PRKCQ: variants seen among roughly 807,000 people sequenced by gnomAD.
PRKCQ encodes the protein protein kinase C theta type.
Under a neutral mutation model 91.2 loss-of-function variants are expected in PRKCQ, and 41 were observed. The ratio of observed to expected loss-of-function variants is 0.45; its 90% CI spans 0.35 to 0.58. PRKCQ has a LOEUF of 0.58. Ranked by LOEUF, PRKCQ falls within the 20% of genes least tolerant of loss-of-function variation. PRKCQ has a pLI of 0.00. For missense variants in PRKCQ, 673 were observed against 896.5 expected, an observed-to-expected ratio of 0.75 and a Z score of 3.18; for synonymous variants, 307 against 316.9, an observed-to-expected ratio of 0.97 and a Z score of 0.33.
In PRKCQ at chr10:6,468,606, A is replaced by C. The variant is rs185963096; in HGVS notation, c.1354-4202T>G. On this transcript the variant is annotated intron_variant, in intron 12 of 17. Coordinates refer to ENST00000263125, the MANE Select transcript of PRKCQ (RefSeq NM_006257.5). ...CTCTCCAGAAAAACAAGATGGGAAA[A>C]GAAGGAAAAGAATAATTATAGTCAT... is the stretch of plus-strand genomic sequence containing the variant. Among the ~76,000 whole-genome samples, 745 of 152,382 alleles carry C rather than the reference A, an allele frequency of 4.9e-3. 4 individuals carry two copies. The highest frequency in any genetic ancestry group is 0.017 in the African/African-American group (701 of 41,592).
At chr10:6,410,038 A>G in the PRKCQ span, among the ~76,000 whole-genome samples, 17,166 of 152,068 alleles carry the variant, frequency 0.11, 2,429 homozygotes, top group African/African-American at 0.33. Flanking sequence ...TATGAAGGGG[A>G]AGGAGTGCAA....
At chr10:6,566,014 C>T (rs558405644) in intron 1 of PRKCQ, among the ~76,000 whole-genome samples, 1 of 152,186 alleles carries the variant, frequency 6.6e-6, no homozygotes, top group South Asian at 2.1e-4. Context: ...GGGAGATTTC[C>T]TCTATTATTC....
chr10:6,510,547 T>C (rs964589970), intron 3 of PRKCQ, among the ~76,000 whole-genome samples: 3 of 152,236 alleles, frequency 2.0e-5, no homozygotes, highest in African/African-American at 7.2e-5. Flanking sequence ...CTGAGTCTAC[T>C]GGGTTAAACA....
At chr10:6,397,280 G>C in the PRKCQ span, among the ~76,000 whole-genome samples, 1 of 152,108 alleles carries the variant, frequency 6.6e-6, no homozygotes, top group African/African-American at 2.4e-5. Flanking sequence ...ATTTGTAGTA[G>C]AGACGGGGTT....
chr10:6,511,365 G>A (rs1838468238), intron 2 of PRKCQ, among the ~76,000 whole-genome samples, 171 bp from the exon 3 acceptor site: 1 of 152,186 alleles, frequency 6.6e-6, no homozygotes, highest in Admixed American at 6.5e-5. Flanking sequence ...GAATGAGACA[G>A]TCCCCGGGTC....
the PRKCQ span, among the ~76,000 whole-genome samples, chr10:6,396,176 T>C: frequency 6.6e-6 from 1 of 152,190 alleles, no homozygotes; most frequent in Non-Finnish European, 1.5e-5. Flanking sequence ...GACTCCAGCA[T>C]TTAATTCCCC....
At chr10:6,469,041 C>T (rs1835831092) in intron 12 of PRKCQ, among the ~76,000 whole-genome samples, 1 of 152,200 alleles carries the variant, frequency 6.6e-6, no homozygotes, top group South Asian at 2.1e-4. Flanking sequence ...TTATCACATA[C>T]ATTGTTATTA....
intron 4 of PRKCQ, among the ~76,000 whole-genome samples, chr10:6,505,631 C>T (rs551061139): frequency 3.4e-5 from 5 of 148,376 alleles, no homozygotes; most frequent in Non-Finnish European, 7.5e-5. Context: ...TTCCTTCCTT[C>T]CCTCCCTTCC....
At chr10:6,456,875 C>T (rs1404251640) in intron 14 of PRKCQ, 63 bp from the exon 15 acceptor site, 11 of 1,565,388 alleles carry the variant, frequency 7.0e-6, no homozygotes, top group Non-Finnish European at 9.6e-6. Flanking sequence ...CATAAAATTC[C>T]ATAGGAGGCG....
chr10:6,414,055 C>T, the PRKCQ span, among the ~76,000 whole-genome samples: 1 of 152,178 alleles, frequency 6.6e-6, no homozygotes, highest in African/African-American at 2.4e-5. Context: ...AAGATTGTAG[C>T]ACTTTCCTAC....
chr10:6,464,085 T>C (rs1835501587), intron 13 of PRKCQ, among the ~76,000 whole-genome samples: 1 of 152,182 alleles, frequency 6.6e-6, no homozygotes. Flanking sequence ...TGAATCGGGA[T>C]GGTTCCTTAA....
intron 12 of PRKCQ, among the ~76,000 whole-genome samples, chr10:6,467,407 G>C (rs868439971): frequency 8.5e-4 from 107 of 126,346 alleles, no homozygotes; most frequent in Middle Eastern, 7.5e-3. Flanking sequence ...GAGAGAGAGA[G>C]AGAGAGAGAG....
chr10:6,440,067 A>G (rs551046709), intron 16 of PRKCQ, among the ~76,000 whole-genome samples: 213 of 152,280 alleles, frequency 1.4e-3, no homozygotes, highest in African/African-American at 4.8e-3. Flanking sequence ...TAGTTTCATA[A>G]GGGGCTTCCC....
At chr10:6,516,240 G>T (rs1032935291) in intron 1 of PRKCQ, among the ~76,000 whole-genome samples, 13 of 152,176 alleles carry the variant, frequency 8.5e-5, no homozygotes, top group Non-Finnish European at 1.8e-4. Context: ...AGACAAAAGG[G>T]ATCTCCAGTA....
chr10:6,569,760 G>A (rs144606905), intron 1 of PRKCQ, among the ~76,000 whole-genome samples: 15 of 152,270 alleles, frequency 9.9e-5, no homozygotes, highest in Non-Finnish European at 1.3e-4. Context: ...ATTTCAGGTC[G>A]TGCAGCAGGT....
At chr10:6,492,488 C>T (rs181085657) in intron 7 of PRKCQ, among the ~76,000 whole-genome samples, 143 of 152,132 alleles carry the variant, frequency 9.4e-4, no homozygotes, top group South Asian at 2.5e-3. Context: ...CTTTGACAGA[C>T]GAGGAAATGA....
chr10:6,456,758 C>T lies in PRKCQ; in HGVS notation c.1563G>A (p.Ala521=), dbSNP rs55867019. The change falls in exon 15 of 18, where the codon GCG becomes GCA. Residue 521 remains alanine (A), a synonymous_variant. Transcript: ENST00000263125. The part of the protein sequence containing the change: ...LLDKDGHIKI[A]DFGMCKENML... ...TGTTCTCCTTGCACATTCCAAAATC[C>T]GCGATCTTGATATGTCCATCTTTGT... The T allele has an allele frequency of 3.7e-5, 60 of 1,613,974 alleles. No individual in the cohort carries two copies. The Middle Eastern group carries it at 4.9e-4, about 13-fold the overall frequency.
chr10:6,543,227 T>C (rs572259675), intron 1 of PRKCQ, among the ~76,000 whole-genome samples: 1 of 152,346 alleles, frequency 6.6e-6, no homozygotes, highest in African/African-American at 2.4e-5. Context: ...CATCCTGCCA[T>C]GTTTACTTTT....
intron 1 of PRKCQ, among the ~76,000 whole-genome samples, chr10:6,566,276 G>C (rs1005884647): frequency 1.9e-5 from 2 of 105,740 alleles, no homozygotes; most frequent in African/African-American, 6.2e-5. Flanking sequence ...CATGCCACCA[G>C]TGGTTGCATT....
Sources: gnomAD v4.1 joint callset for allele counts (sites outside exome capture counted in the v4.1 genomes callset) on GRCh38, gnomAD v4.1.1 for gene constraint, MANE v1.5 for transcripts, NCBI Gene and HGNC (gene_info 2026-07-23, HGNC 2026-07-21) for gene names.